Variants in GALNT15 observed in about 807,000 individuals in gnomAD.
The protein encoded by GALNT15 is UDP-GalNAc transferase T15.
In GALNT15, 67 loss-of-function variants were observed where a neutral mutation model predicts 66.8. The observed-to-expected ratio is 1.00, with a 90% CI of 0.82 to 1.23. GALNT15 has a LOEUF of 1.23. GALNT15 is among the 50% of genes most tolerant of loss of function. The pLI, the probability that GALNT15 is intolerant of heterozygous loss-of-function variation, is 0.00. For missense variants in GALNT15, 827 were observed against 804.3 expected (o/e 1.03, Z -0.34); for synonymous variants, 313 against 311.5 (o/e 1.00, Z -0.05).
chr3:16,200,609 T>C lies in GALNT15; in HGVS notation c.707-10T>C, dbSNP rs1282238335. 2.0e-6 allele frequency: 3 copies of C among 1,514,230 alleles called. No individual in the cohort carries two copies. Among genetic ancestry groups the C allele is most frequent in the African/African-American group, 2.8e-5 (2 of 71,400 alleles). 93.8% of individuals were successfully genotyped at this position (1,514,230 alleles called of 1,614,324 possible). On this transcript the variant is annotated splice_polypyrimidine_tract_variant and intron_variant, in intron 2 of 9. Transcript: ENST00000339732. This position sits in a 1 kb window ranked among gnomAD's most constrained non-coding sequence, Gnocchi z 4.4. ...TGTCATTCCACTGACCACAACCCTG[T>C]TGATTCCAGGACAACTCAAGTCTGC...
In GALNT15 at chr3:16,215,572, A is replaced by G. The variant is rs74282831; in HGVS notation, c.1392+2809A>G. Among the ~76,000 whole-genome samples, 1,181 of 152,240 alleles carry G rather than the reference A, an allele frequency of 7.8e-3. 67 individuals are homozygous for G. The East Asian group carries it at 0.16, about 21-fold the overall frequency. On this transcript the variant is annotated intron_variant, in intron 6 of 9. Transcript: ENST00000339732. ...GACGTCCATAAATAAGCTATCCTCTACAGTTCTGTCTGAATTTGGGGGAAG... is the reference window on the plus strand; with the variant it reads ...GACGTCCATAAATAAGCTATCCTCTGCAGTTCTGTCTGAATTTGGGGGAAG...
chr3:16,218,323 C>T (rs561207454), intron 6 of GALNT15, among the ~76,000 whole-genome samples: 14 of 152,176 alleles, frequency 9.2e-5, no homozygotes, highest in Non-Finnish European at 1.8e-4. Flanking sequence ...ATGGCCAGCT[C>T]GCTTCCTCTC....
chr3:16,219,898 G>A lies in GALNT15; in HGVS notation c.1525-12G>A, dbSNP rs1333226059. The A allele has an allele frequency of 1.2e-6, 2 of 1,605,400 alleles. No homozygotes were observed. The highest frequency in any genetic ancestry group is 1.7e-6 in the Non-Finnish European group (2 of 1,172,160). On this transcript the variant is annotated splice_polypyrimidine_tract_variant and intron_variant, in intron 7 of 9. Transcript: ENST00000339732. This position sits in a 1 kb window ranked among gnomAD's most constrained non-coding sequence, Gnocchi z 4.3. ...ATCTGGAATTCACTCCTGTGTGTGT[G>A]TCCACTTTCAGCTCCACAACACTGG... is the stretch of plus-strand genomic sequence containing the variant.
the GALNT15 span, among the ~76,000 whole-genome samples, chr3:16,247,734 T>G: frequency 4.1e-4 from 62 of 152,334 alleles, no homozygotes; most frequent in East Asian, 7.3e-3. Context: ...ACTGGGAACA[T>G]AAAAGTCCCT....
At position 16,204,955 on chromosome 3, in the gene GALNT15, G is replaced by A. The variant is rs2063741601; in HGVS notation, c.912-3548G>A. Among the ~76,000 whole-genome samples the A allele has an allele frequency of 6.6e-6, 1 of 152,126 alleles. No homozygotes were observed. ...GGGGGGAGCGAGCATGTGCGTGCGT[G>A]TGTGTGTGCGCGCGCATGTGCGCGT... On this transcript the variant is annotated intron_variant, in intron 3 of 9. Transcript: ENST00000339732. The surrounding 1 kb of genome is among the most constrained non-coding windows in gnomAD (Gnocchi z 4.5).
At chr3:16,216,249 G>C (rs1193598978) in intron 6 of GALNT15, among the ~76,000 whole-genome samples, 1 of 152,158 alleles carries the variant, frequency 6.6e-6, no homozygotes, top group Non-Finnish European at 1.5e-5. Flanking sequence ...ACCAAAGCAA[G>C]TTTTAAAGCA....
At chr3:16,234,688 C>G (rs976987004), downstream of GALNT15, among the ~76,000 whole-genome samples, 1 of 152,188 alleles carries the variant, frequency 6.6e-6, no homozygotes, top group Non-Finnish European at 1.5e-5. Context: ...ATGGGGAAAC[C>G]CACCCAAACA....
Position 16,224,926 on chromosome 3 carries a change from C to T in GALNT15, c.1773+2168C>T, listed in dbSNP as rs994573515. ...TGCTGGGATTACAAGTGTGAGCCAC[C>T]ACACCAGGCCTATTAGGCCATTCTT... On this transcript the variant is annotated intron_variant, in intron 9 of 9. Coordinates refer to ENST00000339732, the MANE Select transcript of GALNT15 (RefSeq NM_054110.5). The surrounding 1 kb of genome is among the most constrained non-coding windows in gnomAD (Gnocchi z 5.2). 5.9e-5 allele frequency among the ~76,000 whole-genome samples: 9 copies of T among 151,968 alleles called. No individual in the cohort carries two copies. The highest frequency in any genetic ancestry group is 2.2e-4 in the African/African-American group (9 of 41,362).
intron 6 of GALNT15, among the ~76,000 whole-genome samples, chr3:16,218,670 T>C (rs867555957): frequency 1.3e-5 from 2 of 152,200 alleles, no homozygotes; most frequent in Non-Finnish European, 2.9e-5. Flanking sequence ...TTCATCTCAA[T>C]TGCCTATGGG....
At chr3:16,208,757 A>C in intron 4 of GALNT15, 87 bp downstream of exon 4, 1 of 1,197,558 alleles carries the variant, frequency 8.4e-7, no homozygotes, top group African/African-American at 1.5e-5. Context: ...TCCTACCTCC[A>C]CAGTTTCCTA....
In GALNT15 at chr3:16,203,543, T is replaced by TCTCTCACACACACACA. The variant is rs1491187404; in HGVS notation, c.911+2721_911+2722insTCTCACACACACACAC. Among the ~76,000 whole-genome samples the TCTCTCACACACACACA allele has an allele frequency of 9.8e-5, 6 of 61,106 alleles. No individual in the cohort carries two copies. Among genetic ancestry groups the TCTCTCACACACACACA allele is most frequent in the African/African-American group, 3.3e-4 (6 of 18,252 alleles). 40.1% of individuals were successfully genotyped at this position (61,106 alleles called of 152,430 possible). The stretch of plus-strand genomic sequence containing the variant: ...CATTCTCTCTCTCTCTCTCTCTCTC[T>TCTCTCACACACACACA]CACACACACACACACACACACACAC... On this transcript the variant is annotated intron_variant, in intron 3 of 9. Transcript: ENST00000339732. The surrounding 1 kb of genome is among the most constrained non-coding windows in gnomAD (Gnocchi z 6.2).
chr3:16,179,614 G>A (rs2063447921), intron 1 of GALNT15, among the ~76,000 whole-genome samples: 1 of 152,144 alleles, frequency 6.6e-6, no homozygotes, highest in Non-Finnish European at 1.5e-5. Context: ...AACAATGAAG[G>A]GAGACCCTAA....
chr3:16,193,065 T>C lies in GALNT15; in HGVS notation c.540-2695T>C, dbSNP rs1017155311. Among the ~76,000 whole-genome samples, 5 of 152,330 alleles carry C rather than the reference T, an allele frequency of 3.3e-5. No individual in the cohort carries two copies. Among genetic ancestry groups the C allele is most frequent in the African/African-American group, 9.6e-5 (4 of 41,578 alleles). On this transcript the variant is annotated intron_variant, in intron 1 of 9. Transcript: ENST00000339732. This position sits in a 1 kb window ranked among gnomAD's most constrained non-coding sequence, Gnocchi z 4.7. ...GATGGGGAGCTAGGTAAAGGGAACA[T>C]AGGAACTCTCAGTTTCTTGTCAGTC...
chr3:16,245,962 TAGA>T, the GALNT15 span, among the ~76,000 whole-genome samples: 2 of 152,064 alleles, frequency 1.3e-5, no homozygotes, highest in Admixed American at 1.3e-4. Flanking sequence ...GAATGAACAG[TAGA>T]AGGAGGAAGA....
At position 16,181,754 on chromosome 3, in the gene GALNT15, A is replaced by C. The variant is rs1400892181; in HGVS notation, c.539+6064A>C. ...AGCTGGGCTTGAGACCTGGGGCTGG[A>C]ACTTAGCTCAATTCCCCCCACAAGA... On this transcript the variant is annotated intron_variant, in intron 1 of 9. Transcript: ENST00000339732. This position sits in a 1 kb window ranked among gnomAD's most constrained non-coding sequence, Gnocchi z 5.9. Among the ~76,000 whole-genome samples the C allele has an allele frequency of 1.3e-5, 2 of 152,158 alleles. No homozygotes were observed.
chr3:16,185,702 C>T (rs558972772), intron 1 of GALNT15, among the ~76,000 whole-genome samples: 149 of 152,192 alleles, frequency 9.8e-4, no homozygotes, highest in Admixed American at 2.1e-3. Context: ...GACTCTGAAT[C>T]CAGAACATTC....
At position 16,219,997 on chromosome 3, in the gene GALNT15, G is replaced by A. The variant is rs760854018; in HGVS notation, c.1612G>A (p.Asp538Asn). The change falls in exon 8 of 10, where the codon GAC (aspartate) becomes AAC (asparagine). Residue 538 changes from aspartate to asparagine, a missense_variant. By Grantham distance (23) the Asp-to-Asn change is conservative. Transcript: ENST00000339732. This position sits in a 1 kb window ranked among gnomAD's most constrained non-coding sequence, Gnocchi z 4.3. ...GCPMVLAPCS[D>N]SRQQQYLQHT... ...TCCCATGGTGTTGGCTCCTTGCAGTGACAGCCGGCAGCAACAGGTGGGTAG... is the reference window on the plus strand; with the variant it reads ...TCCCATGGTGTTGGCTCCTTGCAGTAACAGCCGGCAGCAACAGGTGGGTAG... The A allele has an allele frequency of 1.7e-5, 27 of 1,614,004 alleles. No homozygotes were observed. The highest frequency in any genetic ancestry group is 2.3e-5 in the Non-Finnish European group (27 of 1,179,948).
At chr3:16,245,859 G>A in the GALNT15 span, among the ~76,000 whole-genome samples, 7 of 152,340 alleles carry the variant, frequency 4.6e-5, no homozygotes, top group African/African-American at 1.7e-4. Context: ...CTCCAGGGAG[G>A]AAGAAGCTTT....
rs1340248608 is a variant in GALNT15, at chr3:16,200,123, G to C, written c.707-496G>C. Among the ~76,000 whole-genome samples, 1 of 151,980 alleles carries C rather than the reference G, an allele frequency of 6.6e-6. No individual in the cohort carries two copies. The highest frequency in any genetic ancestry group is 2.4e-5 in the African/African-American group (1 of 41,358). On this transcript the variant is annotated intron_variant, in intron 2 of 9. Transcript: ENST00000339732. The surrounding 1 kb of genome is among the most constrained non-coding windows in gnomAD (Gnocchi z 4.4). ...TGGCAGCAAGTGAGAGAAAGAGAGAGAGAGAGGAGGAAAAACTATCAAACA... is the reference window on the plus strand; with the variant it reads ...TGGCAGCAAGTGAGAGAAAGAGAGACAGAGAGGAGGAAAAACTATCAAACA...
Sources: gnomAD v4.1 joint callset for allele counts (sites outside exome capture counted in the v4.1 genomes callset) on GRCh38, gnomAD v4.1.1 for gene constraint, Gnocchi (gnomAD v3.1) non-coding constraint, MANE v1.5 for transcripts, NCBI Gene and HGNC (gene_info 2026-07-23, HGNC 2026-07-21) for gene names.